Variants in C2orf76 observed in about 807,000 individuals in gnomAD.
C2orf76 encodes the protein chromosome 2 open reading frame 76.
C2orf76 carries 23 observed loss-of-function variants against 16.9 expected under a neutral mutation model. The observed-to-expected ratio is 1.36, with a 90% CI of 0.98 to 1.93. The LOEUF is 1.93. Among genes scored for constraint, C2orf76 ranks in the 30% most tolerant of loss-of-function variants. C2orf76 has a pLI of 0.00. For synonymous variants in C2orf76, 48 were observed against 52.3 expected (o/e 0.92, Z 0.35); for missense variants, 152 against 152.6 (o/e 1.00, Z 0.02).
In C2orf76 at chr2:119,317,548, ACTT is replaced by A. The variant is rs764813189; in HGVS notation, c.185-48_185-46del. 13 of 1,507,570 alleles carry A rather than the reference ACTT, an allele frequency of 8.6e-6. No homozygotes were observed. The Admixed American group carries it at 1.8e-4, about 21-fold the overall frequency. 93.4% of individuals were successfully genotyped at this position (1,507,570 alleles called of 1,614,324 possible). A position where few individuals can be genotyped will look rare whatever the true frequency, so the allele number is the denominator to read the frequency against. ...TATCTTTTTACACAGTTTATTCTAAACTTCTTTTCAAATTATTAAAATGGGTGG... is the reference window on the plus strand; with the variant it reads ...TATCTTTTTACACAGTTTATTCTAAACTTTTCAAATTATTAAAATGGGTGG... On this transcript the variant is annotated intron_variant, in intron 3 of 5. Coordinates refer to ENST00000334816, the MANE Select transcript of C2orf76 (RefSeq NM_001322331.2).
At chr2:119,361,444 A>G (rs1354124843) in intron 1 of C2orf76, among the ~76,000 whole-genome samples, 1 of 152,234 alleles carries the variant, frequency 6.6e-6, no homozygotes, top group South Asian at 2.1e-4. Flanking sequence ...AACCAACTTC[A>G]GGTGAAAATA....
the C2orf76 span, among the ~76,000 whole-genome samples, chr2:119,293,054 C>CA: frequency 3.3e-5 from 5 of 152,142 alleles, no homozygotes; most frequent in African/African-American, 1.2e-4. Context: ...CAAAACAAAA[C>CA]AAACAAACGA....
At chr2:119,358,368 G>A (rs563983638) in intron 1 of C2orf76, among the ~76,000 whole-genome samples, 1 of 152,126 alleles carries the variant, frequency 6.6e-6, no homozygotes, top group Non-Finnish European at 1.5e-5. Flanking sequence ...CCTGAGGTCA[G>A]GAGTTCAAGA....
At chr2:119,298,052 G>A (rs1030968720), downstream of C2orf76, among the ~76,000 whole-genome samples, 1 of 151,818 alleles carries the variant, frequency 6.6e-6, no homozygotes, top group East Asian at 1.9e-4. Flanking sequence ...CAAGCAATCC[G>A]CCCCCCTCAG....
chr2:119,313,133 A>C (rs1391014616), intron 4 of C2orf76, among the ~76,000 whole-genome samples: 1 of 152,148 alleles, frequency 6.6e-6, no homozygotes, highest in East Asian at 1.9e-4. Context: ...GTTTAGCAAC[A>C]TATTCTATTT....
intron 2 of C2orf76, among the ~76,000 whole-genome samples, chr2:119,328,585 G>C (rs1048822356): frequency 6.6e-6 from 1 of 151,600 alleles, no homozygotes; most frequent in African/African-American, 2.4e-5. Flanking sequence ...TTTCTCTATG[G>C]TTTTTCTATT....
At chr2:119,309,509 T>C (rs1454259083) in intron 5 of C2orf76, among the ~76,000 whole-genome samples, 1 of 146,522 alleles carries the variant, frequency 6.8e-6, no homozygotes, top group Non-Finnish European at 1.5e-5. Context: ...ACCCTCTACC[T>C]TCCAGGTTCA....
chr2:119,302,889 A>C (rs13002982), intron 5 of C2orf76, among the ~76,000 whole-genome samples: 84,948 of 151,886 alleles, frequency 0.56, 24,518 homozygotes, highest in Non-Finnish European at 0.63. Context: ...GGAAATAAAA[A>C]ACCTTGATTT....
At chr2:119,345,988 G>C (rs796330020) in intron 1 of C2orf76, among the ~76,000 whole-genome samples, 12 of 144,448 alleles carry the variant, frequency 8.3e-5, no homozygotes, top group African/African-American at 2.8e-4. Context: ...CTGGGAGGCA[G>C]AGCTTGCAGT....
intron 1 of C2orf76, among the ~76,000 whole-genome samples, chr2:119,347,405 TATA>T: frequency 1.3e-5 from 2 of 152,360 alleles, no homozygotes; most frequent in Middle Eastern, 6.8e-3. Flanking sequence ...TCCTAATTTG[TATA>T]ATATTAGATG....
chr2:119,350,062 C>G (rs897922469), intron 1 of C2orf76, among the ~76,000 whole-genome samples: 1 of 91,288 alleles, frequency 1.1e-5, no homozygotes, highest in Admixed American at 9.5e-5. Flanking sequence ...CACGCCCCGC[C>G]CACACCGCCC....
At chr2:119,333,458 T>G (rs55789096) in intron 2 of C2orf76, among the ~76,000 whole-genome samples, 17,004 of 152,248 alleles carry the variant, frequency 0.11, 1,109 homozygotes, top group African/African-American at 0.17. Context: ...GATGGCACCT[T>G]TAGCCAAAGG....
At chr2:119,289,664 G>A in the C2orf76 span, among the ~76,000 whole-genome samples, 2 of 150,602 alleles carry the variant, frequency 1.3e-5, no homozygotes, top group African/African-American at 2.4e-5. Context: ...CCAGCCTGGC[G>A]ACAGAGTGAG....
Position 119,348,046 on chromosome 2 carries a change from CAA to C in C2orf76, c.-12-8077_-12-8076del, listed in dbSNP as rs1205382710. Among the ~76,000 whole-genome samples, 648 of 81,978 alleles carry C rather than the reference CAA, an allele frequency of 7.9e-3. 2 individuals carry two copies. Among genetic ancestry groups the C allele is most frequent in the African/African-American group, 0.023 (494 of 21,502 alleles). 53.8% of individuals were successfully genotyped at this position (81,978 alleles called of 152,430 possible). A position where few individuals can be genotyped will look rare whatever the true frequency, so the allele number is the denominator to read the frequency against. On this transcript the variant is annotated intron_variant, in intron 1 of 5. Coordinates refer to ENST00000334816, the MANE Select transcript of C2orf76 (RefSeq NM_001322331.2). ...TGGGAAACAGGACAAGGCTCTGTCT[CAA>C]AAAAAAAAAAAAAAAAAAAAAATAC...
chr2:119,289,442 C>T, the C2orf76 span, among the ~76,000 whole-genome samples: 3 of 152,026 alleles, frequency 2.0e-5, no homozygotes, highest in African/African-American at 7.2e-5. Context: ...AATCCTAGCA[C>T]TTTGGGAGGC....
At chr2:119,321,280 T>G in intron 2 of C2orf76, 76 bp from the exon 3 acceptor site, 1 of 808,234 alleles carries the variant, frequency 1.2e-6, no homozygotes. Flanking sequence ...TTTGGTTCTA[T>G]TCTTTTCTAT....
intron 4 of C2orf76, among the ~76,000 whole-genome samples, chr2:119,313,369 T>C (rs1558778347): frequency 6.6e-6 from 1 of 152,032 alleles, no homozygotes. Context: ...AAGAGGACTG[T>C]TTGAGCCCAG....
upstream of C2orf76, chr2:119,366,929 C>T (rs1573708792): frequency 1.0e-5 from 13 of 1,288,560 alleles, no homozygotes; most frequent in East Asian, 3.2e-4. Flanking sequence ...CCGGTGCTCG[C>T]CCGAGCAGGG....
chr2:119,310,180 A>G (rs901868989), intron 5 of C2orf76, among the ~76,000 whole-genome samples: 7 of 152,164 alleles, frequency 4.6e-5, no homozygotes, highest in East Asian at 1.9e-4. Context: ...ACCCCCATTA[A>G]TATCAGTCTG....
Sources: gnomAD v4.1 joint callset for allele counts (sites outside exome capture counted in the v4.1 genomes callset) on GRCh38, gnomAD v4.1.1 for gene constraint, MANE v1.5 for transcripts, NCBI Gene and HGNC (gene_info 2026-07-23, HGNC 2026-07-21) for gene names.